AR: variants seen among roughly 807,000 people sequenced by gnomAD.
AR encodes dihydrotestosterone receptor.
Under a neutral mutation model 53.9 loss-of-function variants are expected in AR, and 8 were observed. The ratio of observed to expected loss-of-function variants is 0.15; its 90% CI spans 0.09 to 0.27. The LOEUF is 0.27. Among genes scored for constraint, AR ranks in the 10% least tolerant of loss-of-function variants. The pLI is 1.00. For missense variants in AR, 639 were observed against 742.5 expected (o/e 0.86, Z 1.62); for synonymous variants, 359 against 316.4 (o/e 1.13, Z -1.43).
At chrX:67,579,910 G>A (rs1399069182) in intron 1 of AR, among the ~76,000 whole-genome samples, 1 of 111,236 alleles carries the variant, frequency 9.0e-6, no homozygotes, top group Admixed American at 9.6e-5. Flanking sequence ...CAGCACCCAG[G>A]AGGTTGAAAG....
rs191122627 is a variant in AR at position 67,632,727 on chromosome X, C to G, written c.1617-10529C>G. 9.3e-4 allele frequency among the ~76,000 whole-genome samples: 104 copies of G among 112,224 alleles called. 1 individual carries two copies. The highest frequency in any genetic ancestry group is 3.9e-3 in the East Asian group (14 of 3,570). On this transcript the variant is annotated intron_variant, in intron 1 of 7. Transcript: ENST00000374690. Reference sequence around the variant, plus strand: ...ATTTTTGTGCTGCAAATGATACCATCAAGAAAGTGAAAATCTCACCCACAG... The same window carrying G: ...ATTTTTGTGCTGCAAATGATACCATGAAGAAAGTGAAAATCTCACCCACAG...
chrX:67,724,564 G>A lies in AR; in HGVS notation c.*723G>A, dbSNP rs1051986458. 1.1e-5 allele frequency: 2 copies of A among 175,676 alleles called. No individual in the cohort carries two copies. The highest frequency in any genetic ancestry group is 2.2e-5 in the Non-Finnish European group (2 of 91,912). The allele number at this position is 175,676 out of a possible 1,213,427, so 14.5% of individuals were successfully genotyped here. On this transcript the variant is annotated 3_prime_UTR_variant, in exon 8 of 8. Coordinates refer to ENST00000374690, the MANE Select transcript of AR (RefSeq NM_000044.6). ...CCCCAGAGCTGAGTTGGGCAGGGGG[G>A]TGGACAGAGAGGAGAGGACAAGGAG...
rs2076136752 is a variant in AR at position 67,721,757 on chromosome X, G to A, written c.2319-76G>A. ...TTCTTGGAAAACCTGGCGAGGGATG[G>A]CAATCAGAGACATTCCCTCTGGGCT... On this transcript the variant is annotated intron_variant, in intron 5 of 7. Coordinates refer to ENST00000374690, the MANE Select transcript of AR (RefSeq NM_000044.6). 5 of 1,174,635 alleles carry A rather than the reference G, an allele frequency of 4.3e-6. No individual in the cohort carries two copies. The Admixed American group carries it at 6.6e-5, about 15-fold the overall frequency.
At chrX:67,567,602 A>G (rs1323345686) in intron 1 of AR, among the ~76,000 whole-genome samples, 1 of 111,186 alleles carries the variant, frequency 9.0e-6, no homozygotes, top group Admixed American at 9.6e-5. Flanking sequence ...CACCAATAAG[A>G]CCATGAGTGA....
Position 67,546,252 on chromosome X carries a change from T to C in AR, c.1106T>C (p.Leu369Pro), listed in dbSNP as rs777482882. The change falls in exon 1 of 8, where the codon CTG (leucine) becomes CCG (proline). Residue 369 changes from leucine to proline, a missense_variant. This residue lies in a region of AR where 423 missense variants were observed against 377.0 expected (regional missense o/e 1.12). Transcript: ENST00000374690. ...YQSRDYYNFP[L>P]ALAGPPPPPP... ...AGTCGCGACTACTACAACTTTCCAC[T>C]GGCTCTGGCCGGACCGCCGCCCCCT... 3 of 1,210,015 alleles carry C rather than the reference T, an allele frequency of 2.5e-6. No individual in the cohort carries two copies.
At chrX:67,690,991 T>C (rs1402347687) in intron 3 of AR, among the ~76,000 whole-genome samples, 1 of 111,943 alleles carries the variant, frequency 8.9e-6, no homozygotes, top group Admixed American at 9.5e-5. Flanking sequence ...TACTAGGTAG[T>C]TTAGACTTCA....
chrX:67,633,499 A>G (rs763088790), intron 1 of AR, among the ~76,000 whole-genome samples: 2 of 112,309 alleles, frequency 1.8e-5, no homozygotes, highest in Non-Finnish European at 3.8e-5. Context: ...TATGGTGTAC[A>G]TGTATCAAAA....
At chrX:67,631,070 A>G (rs1330195654) in intron 1 of AR, among the ~76,000 whole-genome samples, 1 of 110,903 alleles carries the variant, frequency 9.0e-6, no homozygotes. Context: ...GCTGCCCTTA[A>G]CATTTTTTCC....
intron 2 of AR, among the ~76,000 whole-genome samples, chrX:67,658,486 G>A (rs73227881): frequency 0.013 from 1,402 of 112,141 alleles, 7 homozygotes; most frequent in Non-Finnish European, 0.02. Context: ...GTCTTGCTAT[G>A]TTGCCCAGGC....
intron 1 of AR, among the ~76,000 whole-genome samples, chrX:67,612,973 A>G (rs1461322245): frequency 1.8e-5 from 2 of 111,587 alleles, no homozygotes; most frequent in African/African-American, 6.5e-5. Flanking sequence ...GCCCTATATT[A>G]CAGAATCACT....
intron 2 of AR, among the ~76,000 whole-genome samples, chrX:67,675,850 G>A (rs1396692520): frequency 9.0e-6 from 1 of 111,456 alleles, no homozygotes; most frequent in Non-Finnish European, 1.9e-5. Flanking sequence ...ACAATTGCTG[G>A]AGGCTTCTCT....
intron 2 of AR, among the ~76,000 whole-genome samples, chrX:67,668,495 T>A (rs1164794513): frequency 9.0e-6 from 1 of 110,637 alleles, no homozygotes; most frequent in East Asian, 2.8e-4. Flanking sequence ...TGCATCAGTG[T>A]TTATCAGGGA....
intron 1 of AR, among the ~76,000 whole-genome samples, chrX:67,638,298 C>A (rs1473627176): frequency 1.8e-5 from 2 of 111,694 alleles, no homozygotes; most frequent in East Asian, 5.6e-4. Flanking sequence ...GTGCATGTGT[C>A]TTTATGGTAG....
chrX:67,684,009 G>A (rs2075951917), intron 2 of AR, among the ~76,000 whole-genome samples: 1 of 111,793 alleles, frequency 8.9e-6, no homozygotes, highest in African/African-American at 3.3e-5. Flanking sequence ...GACAAACTAG[G>A]GTCCAAGAAA....
Position 67,592,755 on chromosome X carries a change from C to T in AR, c.1616+45993C>T, listed in dbSNP as rs1019183559. ...AAAGATTTTTGTGATATTCTTTTCA[C>T]TGTAGAACTTCAAGCATATCCTAAA... On this transcript the variant is annotated intron_variant, in intron 1 of 7. Transcript: ENST00000374690. Among the ~76,000 whole-genome samples, 4 of 109,462 alleles carry T rather than the reference C, an allele frequency of 3.7e-5. No individual in the cohort carries two copies. The Admixed American group carries it at 3.9e-4, about 11-fold the overall frequency.
At chrX:67,676,577 C>G (rs1951072234) in intron 2 of AR, among the ~76,000 whole-genome samples, 2 of 111,551 alleles carry the variant, frequency 1.8e-5, no homozygotes, top group Non-Finnish European at 3.8e-5. Flanking sequence ...GTTTTAGTTG[C>G]AAGGTTACTA....
chrX:67,602,003 T>A (rs904338420), intron 1 of AR, among the ~76,000 whole-genome samples: 2 of 111,738 alleles, frequency 1.8e-5, no homozygotes, highest in Non-Finnish European at 3.8e-5. Context: ...CCATATCAAA[T>A]CCTCTTTGGC....
intron 2 of AR, among the ~76,000 whole-genome samples, chrX:67,667,823 C>A (rs1331576483): frequency 9.1e-6 from 1 of 109,914 alleles, no homozygotes; most frequent in Non-Finnish European, 1.9e-5. Context: ...TTATTTTTAC[C>A]TATTGACAAT....
chrX:67,685,793 T>TA (rs764820363), intron 2 of AR: 335 of 471,486 alleles, frequency 7.1e-4, no homozygotes, highest in Non-Finnish European at 9.9e-4. Flanking sequence ...TGTTCATCCC[T>TA]AAAAAAAACA....
Sources: allele counts gnomAD v4.1 joint callset (sites outside exome capture counted in the v4.1 genomes callset), GRCh38; gene constraint gnomAD v4.1.1; regional missense constraint gnomAD v4.1.1; transcripts MANE v1.5; gene names NCBI Gene and HGNC (gene_info 2026-07-23, HGNC 2026-07-21).